Variants in SUFU observed in about 807,000 individuals in gnomAD.
SUFU encodes SUFU negative regulator of hedgehog signaling.
Under a neutral mutation model 58.9 loss-of-function variants are expected in SUFU, and 7 were observed. That is an observed-to-expected ratio of 0.12 (90% CI 0.07 to 0.22). The LOEUF (loss-of-function observed/expected upper bound fraction) is 0.22. SUFU is among the 10% of genes least tolerant of loss of function. The probability of loss-of-function intolerance (pLI) is 1.00; values close to 1 mark genes in which losing one functional copy is unlikely to be tolerated. For missense variants in SUFU, 451 were observed against 641.3 expected, an observed-to-expected ratio of 0.70 and a Z score of 3.20; for synonymous variants, 232 against 254.8, an observed-to-expected ratio of 0.91 and a Z score of 0.85.
At chr10:102,520,281 G>A (rs190180631) in intron 2 of SUFU, among the ~76,000 whole-genome samples, 3 of 141,352 alleles carry the variant, frequency 2.1e-5, no homozygotes, top group Admixed American at 1.5e-4. Flanking sequence ...ACAATGGTGC[G>A]ATCTCAGCTC....
chr10:102,525,147 G>A (rs1263200240), intron 2 of SUFU, among the ~76,000 whole-genome samples: 1 of 152,128 alleles, frequency 6.6e-6, no homozygotes, highest in Non-Finnish European at 1.5e-5. Flanking sequence ...GTCTCTCTCT[G>A]TCGCCCAGGC....
intron 2 of SUFU, among the ~76,000 whole-genome samples, chr10:102,530,382 G>A (rs927333248): frequency 1.9e-4 from 28 of 150,844 alleles, no homozygotes; most frequent in African/African-American, 6.6e-4. Flanking sequence ...CTCTGCCTAA[G>A]TCCTTCAGCC....
rs1458865888 is a variant in SUFU at position 102,625,501 on chromosome 10, C to T, written c.1297-1674C>T. Among the ~76,000 whole-genome samples the T allele has an allele frequency of 1.3e-5, 2 of 152,138 alleles. No individual in the cohort carries two copies. Among genetic ancestry groups the T allele is most frequent in the South Asian group, 2.1e-4 (1 of 4,824 alleles). On this transcript the variant is annotated intron_variant, in intron 10 of 11. Coordinates refer to ENST00000369902, the MANE Select transcript of SUFU (RefSeq NM_016169.4). The surrounding 1 kb of genome is among the most constrained non-coding windows in gnomAD (Gnocchi z 4.7). ...CTTGTCCTGGTGGGAAATGAGCTGC[C>T]TTCATGCCTGTGTCCCTGGAAGGAT...
chr10:102,630,239 T>G lies in SUFU; in HGVS notation c.*84T>G. On this transcript the variant is annotated 3_prime_UTR_variant, in exon 12 of 12. Coordinates refer to ENST00000369902, the MANE Select transcript of SUFU (RefSeq NM_016169.4). ...GTGTAACAGTTGTGTCAACGAGATC[T>G]CCACAAATAAAAGGACAAGTGTGAG... 1 of 1,202,994 alleles carries G rather than the reference T, an allele frequency of 8.3e-7. No individual in the cohort carries two copies. Among genetic ancestry groups the G allele is most frequent in the South Asian group, 1.2e-5 (1 of 82,786 alleles). The allele number at this position is 1,202,994 out of a possible 1,614,324, so 74.5% of individuals were successfully genotyped here. A position where few individuals can be genotyped will look rare whatever the true frequency, so the allele number is the denominator to read the frequency against.
chr10:102,564,308 A>G (rs987430992), intron 3 of SUFU, among the ~76,000 whole-genome samples: 1 of 152,186 alleles, frequency 6.6e-6, no homozygotes, highest in East Asian at 1.9e-4. Context: ...GAGGTGCTCC[A>G]TCATTACCAA....
At chr10:102,594,553 A>G (rs192034982) in intron 6 of SUFU, among the ~76,000 whole-genome samples, 156 of 152,258 alleles carry the variant, frequency 1.0e-3, no homozygotes, top group African/African-American at 3.3e-3. Context: ...TATCTTGGAC[A>G]GTCAGATGCA....
At chr10:102,609,285 A>AG (rs985776760) in intron 8 of SUFU, among the ~76,000 whole-genome samples, 3 of 151,890 alleles carry the variant, frequency 2.0e-5, no homozygotes, top group Admixed American at 2.0e-4. Context: ...TGCTCAATAA[A>AG]GATGTCTCTT....
At chr10:102,566,764 CAA>C (rs1213985884) in intron 3 of SUFU, among the ~76,000 whole-genome samples, 32,815 of 72,992 alleles carry the variant, frequency 0.45, 5,896 homozygotes, top group East Asian at 0.67. Context: ...GACTCTGTCT[CAA>C]AAAAAAAAAA....
At chr10:102,626,500 C>T (rs2063787290) in intron 10 of SUFU, among the ~76,000 whole-genome samples, 1 of 152,074 alleles carries the variant, frequency 6.6e-6, no homozygotes, top group Non-Finnish European at 1.5e-5. Flanking sequence ...AGAGGAACCT[C>T]AAAGAAGGCT....
Position 102,600,982 on chromosome 10 carries a change from T to C in SUFU, c.1022+1438T>C, listed in dbSNP as rs913080182. ...ATACGACATATGGAAGCTCTCTACC[T>C]GTGAGTCTGGACCCTGTCCCGGGTC... On this transcript the variant is annotated intron_variant, in intron 8 of 11. Coordinates refer to ENST00000369902, the MANE Select transcript of SUFU (RefSeq NM_016169.4). Among the ~76,000 whole-genome samples the C allele has an allele frequency of 2.0e-5, 3 of 152,198 alleles. No homozygotes were observed. In the South Asian group the frequency reaches 6.2e-4, roughly 31 times the overall value.
intron 2 of SUFU, among the ~76,000 whole-genome samples, chr10:102,511,742 G>A (rs1241235012): frequency 3.3e-5 from 5 of 151,990 alleles, no homozygotes; most frequent in Admixed American, 6.6e-5. Flanking sequence ...ACAGGGTCAC[G>A]CTCTGTCACC....
chr10:102,589,487 C>G (rs922854513), intron 3 of SUFU, among the ~76,000 whole-genome samples: 3 of 102,520 alleles, frequency 2.9e-5, no homozygotes, highest in African/African-American at 1.1e-4. Context: ...ACTCTGTCAC[C>G]CAGGCTGGAA....
At chr10:102,568,919 TAC>T (rs1477503622) in intron 3 of SUFU, among the ~76,000 whole-genome samples, 2 of 13,436 alleles carry the variant, frequency 1.5e-4, no homozygotes, top group Non-Finnish European at 1.2e-4. Flanking sequence ...TATATATATA[TAC>T]ACATATATAT....
intron 3 of SUFU, among the ~76,000 whole-genome samples, chr10:102,587,699 G>A (rs1284365551): frequency 6.6e-6 from 1 of 152,046 alleles, no homozygotes; most frequent in Non-Finnish European, 1.5e-5. Flanking sequence ...TCACCATGTT[G>A]GCCAGGCTGG....
chr10:102,539,959 T>G (rs898309441), intron 2 of SUFU, among the ~76,000 whole-genome samples: 1 of 152,152 alleles, frequency 6.6e-6, no homozygotes, highest in Non-Finnish European at 1.5e-5. Flanking sequence ...AATTAATAGA[T>G]TATAATTTGT....
intron 3 of SUFU, among the ~76,000 whole-genome samples, chr10:102,561,610 G>C (rs1449706432): frequency 6.6e-6 from 1 of 151,128 alleles, no homozygotes; most frequent in African/African-American, 2.4e-5. Flanking sequence ...CTTGGCCAGA[G>C]AGATTGGTTC....
chr10:102,592,758 C>T, intron 4 of SUFU, 34 bp downstream of exon 4: 2 of 1,612,590 alleles, frequency 1.2e-6, no homozygotes, highest in Non-Finnish European at 1.7e-6. Flanking sequence ...CTCAAGCCTT[C>T]CTGTGGGAAG....
chr10:102,511,401 G>T (rs964924273), intron 2 of SUFU, among the ~76,000 whole-genome samples: 1 of 151,828 alleles, frequency 6.6e-6, no homozygotes, highest in African/African-American at 2.4e-5. Context: ...TCTTGGTGGT[G>T]GCTGCTTAAC....
At chr10:102,527,498 G>GAGATATAT (rs2062624704) in intron 2 of SUFU, among the ~76,000 whole-genome samples, 1 of 148,266 alleles carries the variant, frequency 6.7e-6, no homozygotes, top group Non-Finnish European at 1.5e-5. Context: ...ATACCATTAA[G>GAGATATAT]ATATATATAT....
Sources: gnomAD v4.1 joint callset for allele counts (sites outside exome capture counted in the v4.1 genomes callset) on GRCh38, gnomAD v4.1.1 for gene constraint, Gnocchi (gnomAD v3.1) non-coding constraint, MANE v1.5 for transcripts, NCBI Gene and HGNC (gene_info 2026-07-23, HGNC 2026-07-21) for gene names.